The following ETS1 variants were observed in gnomAD, a reference collection of about 807,000 sequenced individuals.
ETS1 encodes ETS proto-oncogene 1, transcription factor.
Under a neutral mutation model 58.6 loss-of-function variants are expected in ETS1, and 15 were observed. The observed-to-expected ratio is 0.26, with a 90% CI of 0.17 to 0.39. ETS1 has a LOEUF of 0.39. ETS1 is among the 10% of genes least tolerant of loss of function. ETS1 has a pLI of 1.00. For synonymous variants in ETS1, 214 were observed against 218.2 expected (o/e 0.98, Z 0.17); for missense variants, 417 against 610.5 (o/e 0.68, Z 3.34).
intron 1 of ETS1, among the ~76,000 whole-genome samples, chr11:128,574,030 T>G (rs1422271990): frequency 2.6e-5 from 4 of 152,202 alleles, no homozygotes; most frequent in Non-Finnish European, 4.4e-5. Flanking sequence ...AATTCTACAT[T>G]TAAAGCAACT....
chr11:128,516,632 T>A (rs1267461103), intron 3 of ETS1, among the ~76,000 whole-genome samples: 2 of 152,180 alleles, frequency 1.3e-5, no homozygotes, highest in Non-Finnish European at 2.9e-5. Flanking sequence ...CTGGGACAGC[T>A]GGCAGGTCTG....
intron 3 of ETS1, among the ~76,000 whole-genome samples, chr11:128,539,181 A>G (rs2135540088): frequency 6.6e-6 from 1 of 152,354 alleles, no homozygotes; most frequent in East Asian, 1.9e-4. Flanking sequence ...CTAGAAAAAC[A>G]AAGAAAAAAT....
rs1861981043 is a variant in ETS1 at position 128,464,397 on chromosome 11, C to T, written c.1124-770G>A. Among the ~76,000 whole-genome samples, 1 of 145,246 alleles carries T rather than the reference C, an allele frequency of 6.9e-6. No individual in the cohort carries two copies. The highest frequency in any genetic ancestry group is 2.2e-4 in the South Asian group (1 of 4,548). On this transcript the variant is annotated intron_variant, in intron 8 of 9. Transcript: ENST00000392668. This position sits in a 1 kb window ranked among gnomAD's most constrained non-coding sequence, Gnocchi z 4.1. ...ACACACACACACACACACACACACA[C>T]TTCTCTGTCTTAGCCATCAACACTC... is the stretch of plus-strand genomic sequence containing the variant.
At chr11:128,580,753 C>T (rs1454150594) in intron 1 of ETS1, among the ~76,000 whole-genome samples, 1 of 152,194 alleles carries the variant, frequency 6.6e-6, no homozygotes, top group African/African-American at 2.4e-5. Context: ...GGTTACAGAG[C>T]AGCAACTCAC....
chr11:128,501,557 C>T (rs1043578438), intron 3 of ETS1, among the ~76,000 whole-genome samples: 1 of 152,222 alleles, frequency 6.6e-6, no homozygotes, highest in African/African-American at 2.4e-5. Flanking sequence ...TCATTCTCAG[C>T]TTTGCACCAT....
At chr11:128,526,876 C>T in intron 3 of ETS1, 1 of 455,628 alleles carries the variant, frequency 2.2e-6, no homozygotes, top group Non-Finnish European at 4.4e-6. Flanking sequence ...AAGTCCAGCA[C>T]TCCTATTTAC....
At chr11:128,547,021 G>A (rs1864143228) in intron 3 of ETS1, among the ~76,000 whole-genome samples, 1 of 152,164 alleles carries the variant, frequency 6.6e-6, no homozygotes, top group African/African-American at 2.4e-5. Flanking sequence ...AAAGAAATAT[G>A]TTAAAGAAAA....
chr11:128,558,518 GC>G (rs1314485741), intron 2 of ETS1, among the ~76,000 whole-genome samples: 1 of 151,930 alleles, frequency 6.6e-6, no homozygotes, highest in Non-Finnish European at 1.5e-5. Flanking sequence ...GGTGGTGGGC[GC>G]CTGTAATCCC....
intron 3 of ETS1, among the ~76,000 whole-genome samples, chr11:128,537,612 G>A (rs112075423): frequency 6.6e-5 from 10 of 152,300 alleles, no homozygotes; most frequent in Admixed American, 3.9e-4. Context: ...TCAAAGTCGG[G>A]TGCACACCTT....
At chr11:128,550,637 T>C (rs1043682807) in intron 3 of ETS1, among the ~76,000 whole-genome samples, 3 of 152,178 alleles carry the variant, frequency 2.0e-5, no homozygotes, top group Non-Finnish European at 2.9e-5. Flanking sequence ...GGGAGTAGCT[T>C]GTCAGGGCAG....
chr11:128,560,672 A>T (rs1339043269), intron 2 of ETS1, among the ~76,000 whole-genome samples: 1 of 152,258 alleles, frequency 6.6e-6, no homozygotes, highest in Non-Finnish European at 1.5e-5. Context: ...TAGGTACTTA[A>T]TGAATTATGG....
rs913209865 is a variant in ETS1 at position 128,538,765 on chromosome 11, C to T, written c.214+17526G>A. Among the ~76,000 whole-genome samples the T allele has an allele frequency of 1.7e-3, 64 of 37,842 alleles. 1 individual carries two copies. Among genetic ancestry groups the T allele is most frequent in the Admixed American group, 9.4e-3 (25 of 2,664 alleles). The allele number at this position is 37,842 out of a possible 152,430, so 24.8% of individuals were successfully genotyped here. On this transcript the variant is annotated intron_variant, in intron 3 of 9. Transcript: ENST00000392668. ...ACACACATACACACATACACACACA[C>T]ACACACACACACACACACACACACA... is the stretch of plus-strand genomic sequence containing the variant.
At chr11:128,492,735 A>G (rs1467483728) in intron 3 of ETS1, among the ~76,000 whole-genome samples, 2 of 152,082 alleles carry the variant, frequency 1.3e-5, no homozygotes, top group Non-Finnish European at 2.9e-5. Context: ...CCCACTCTAC[A>G]CCTCCAAGAA....
intron 3 of ETS1, among the ~76,000 whole-genome samples, chr11:128,533,761 G>A (rs764327630): frequency 1.3e-5 from 2 of 152,238 alleles, no homozygotes; most frequent in South Asian, 2.1e-4. Flanking sequence ...CCAATGGGGC[G>A]CTTACGTTAC....
chr11:128,484,360 G>C (rs1229261862), intron 7 of ETS1, among the ~76,000 whole-genome samples: 1 of 152,164 alleles, frequency 6.6e-6, no homozygotes, highest in Non-Finnish European at 1.5e-5. Context: ...CTGGCCAGCA[G>C]AGGTCATTCC....
chr11:128,566,982 C>T (rs998208675), intron 2 of ETS1, among the ~76,000 whole-genome samples: 2 of 152,134 alleles, frequency 1.3e-5, no homozygotes, highest in African/African-American at 4.8e-5. Context: ...ACCAGAGGGC[C>T]TGAAGGTGGA....
At position 128,464,579 on chromosome 11, in the gene ETS1, C is replaced by T. The variant is rs1861985395; in HGVS notation, c.1124-952G>A. ...GTTCAAAAGTCCATGCTTCTTGTTA[C>T]ACTGCCCCTTATAACATAAACAAAC... On this transcript the variant is annotated intron_variant, in intron 8 of 9. Transcript: ENST00000392668. This position sits in a 1 kb window ranked among gnomAD's most constrained non-coding sequence, Gnocchi z 4.1. Among the ~76,000 whole-genome samples the T allele has an allele frequency of 6.6e-6, 1 of 152,170 alleles. No homozygotes were observed. Among genetic ancestry groups the T allele is most frequent in the Non-Finnish European group, 1.5e-5 (1 of 68,026 alleles).
chr11:128,586,755 C>T (rs905921379), intron 1 of ETS1, among the ~76,000 whole-genome samples: 6 of 152,152 alleles, frequency 3.9e-5, no homozygotes, highest in Non-Finnish European at 7.4e-5. Context: ...AGACCTTTAA[C>T]GGTGGGTGAG....
chr11:128,504,161 T>G (rs1305300087), intron 3 of ETS1, among the ~76,000 whole-genome samples: 1 of 152,198 alleles, frequency 6.6e-6, no homozygotes, highest in African/African-American at 2.4e-5. Flanking sequence ...CCCTAAACCA[T>G]TACGCTCACT....
Sources: gnomAD v4.1 joint callset for allele counts (sites outside exome capture counted in the v4.1 genomes callset) on GRCh38, gnomAD v4.1.1 for gene constraint, Gnocchi (gnomAD v3.1) non-coding constraint, MANE v1.5 for transcripts, NCBI Gene and HGNC (gene_info 2026-07-23, HGNC 2026-07-21) for gene names.